STAB2: variants seen among roughly 807,000 people sequenced by gnomAD.
The protein encoded by STAB2 is stabilin-2.
Under a neutral mutation model 338.1 loss-of-function variants are expected in STAB2, and 288 were observed. That is an observed-to-expected ratio of 0.85 (90% CI 0.77 to 0.94). The LOEUF is 0.94. Among genes scored for constraint, STAB2 ranks in the 40% least tolerant of loss-of-function variants. STAB2 has a pLI of 0.00. For missense variants in STAB2, 3,141 were observed against 3,210.1 expected (o/e 0.98, Z 0.52); for synonymous variants, 1,202 against 1,193.3 (o/e 1.01, Z -0.15).
intron 22 of STAB2, among the ~76,000 whole-genome samples, chr12:103,672,132 C>T (rs1478466150): frequency 6.6e-6 from 1 of 152,226 alleles, no homozygotes; most frequent in Admixed American, 6.5e-5. Context: ...CTCTTACTGT[C>T]GCTACTAACT....
At position 103,708,475 on chromosome 12, in the gene STAB2, A is replaced by AC. The variant is rs1566034712; in HGVS notation, c.4230dup (p.Asp1413ArgfsTer5). The AC allele has an allele frequency of 1.2e-6, 2 of 1,614,038 alleles. No individual in the cohort carries two copies. The highest frequency in any genetic ancestry group is 1.7e-5 in the Admixed American group (1 of 60,024). On this transcript the variant is annotated frameshift_variant, in exon 39 of 69. Coordinates refer to ENST00000388887, the MANE Select transcript of STAB2 (RefSeq NM_017564.10). LOFTEE classifies it high-confidence loss of function. ...GTGTCCATGGGAGATGCAACCAAGG[A>AC]CCCTTGGGAGATGGCTCCTGTGACT...
intron 3 of STAB2, among the ~76,000 whole-genome samples, chr12:103,600,431 A>G (rs10861047): frequency 0.32 from 48,699 of 151,878 alleles, 9,915 homozygotes; most frequent in African/African-American, 0.58. Flanking sequence ...TGTTTGTTGA[A>G]TGAGAGAAAG....
intron 3 of STAB2, among the ~76,000 whole-genome samples, chr12:103,600,112 G>A (rs1469512975): frequency 6.6e-6 from 1 of 152,182 alleles, no homozygotes; most frequent in African/African-American, 2.4e-5. Flanking sequence ...GAACCTACAT[G>A]AAAAGTGGTT....
intron 68 of STAB2, among the ~76,000 whole-genome samples, chr12:103,764,718 A>G (rs1483580548): frequency 6.6e-6 from 1 of 152,252 alleles, no homozygotes; most frequent in Non-Finnish European, 1.5e-5. Context: ...CAGATTTAAT[A>G]TAAATGCAAT....
intron 55 of STAB2, 96 bp from the exon 56 acceptor site, chr12:103,742,309 G>A (rs1882647826): frequency 3.9e-6 from 6 of 1,518,992 alleles, no homozygotes; most frequent in Non-Finnish European, 4.5e-6. Flanking sequence ...GTCCCTCTGG[G>A]CTAACAGAAG....
chr12:103,733,273 G>T, intron 51 of STAB2, 91 bp downstream of exon 51: 2 of 1,446,268 alleles, frequency 1.4e-6, no homozygotes, highest in Non-Finnish European at 1.9e-6. Flanking sequence ...GGAACTGTCA[G>T]TGTGTCCCTG....
chr12:103,693,666 C>T (rs1878150452), intron 31 of STAB2, among the ~76,000 whole-genome samples: 1 of 151,946 alleles, frequency 6.6e-6, no homozygotes, highest in Non-Finnish European at 1.5e-5. Flanking sequence ...TCTTCTAATA[C>T]CCAGTATAAC....
chr12:103,612,392 TC>T (rs1269863532), intron 3 of STAB2, among the ~76,000 whole-genome samples: 69 of 152,372 alleles, frequency 4.5e-4, no homozygotes, highest in Admixed American at 9.1e-4. Context: ...TTCTTTTTAT[TC>T]TTTTTTCTCT....
chr12:103,741,578 C>A (rs1882588075), intron 55 of STAB2, among the ~76,000 whole-genome samples: 1 of 152,166 alleles, frequency 6.6e-6, no homozygotes, highest in Non-Finnish European at 1.5e-5. Context: ...CTCAGCCTCT[C>A]AAGTAGCTGG....
intron 3 of STAB2, among the ~76,000 whole-genome samples, chr12:103,619,524 A>G (rs937329533): frequency 1.2e-4 from 19 of 152,130 alleles, no homozygotes; most frequent in Admixed American, 1.1e-3. Flanking sequence ...CTGCCCCACC[A>G]TGAAATATAA....
intron 68 of STAB2, chr12:103,765,914 AAGG>A: frequency 5.5e-6 from 2 of 360,618 alleles, no homozygotes; most frequent in Non-Finnish European, 1.1e-5. Flanking sequence ...TTCAAACCGA[AAGG>A]AGTTTTTATA....
intron 63 of STAB2, among the ~76,000 whole-genome samples, chr12:103,756,247 G>T (rs926994979): frequency 8.5e-5 from 13 of 152,204 alleles, no homozygotes; most frequent in African/African-American, 3.1e-4. Context: ...GTCATATCCA[G>T]CGAAGAGAAA....
intron 3 of STAB2, among the ~76,000 whole-genome samples, chr12:103,599,733 C>T (rs1956927462): frequency 6.6e-6 from 1 of 152,208 alleles, no homozygotes. Flanking sequence ...ATGATGCTAA[C>T]ACACCCACCT....
At chr12:103,654,728 C>A in intron 13 of STAB2, 30 bp downstream of exon 13, 2 of 1,605,966 alleles carry the variant, frequency 1.2e-6, no homozygotes, top group South Asian at 1.1e-5. Flanking sequence ...TCACATCAGG[C>A]CAGGTCCATC....
intron 3 of STAB2, among the ~76,000 whole-genome samples, chr12:103,594,864 G>A (rs900812253): frequency 6.6e-6 from 1 of 152,132 alleles, no homozygotes; most frequent in Non-Finnish European, 1.5e-5. Context: ...TTGTTACAAT[G>A]TCTCAAAGAC....
rs1872977643 is a variant in STAB2 at position 103,642,244 on chromosome 12, C to T, written c.1040+1988C>T. On this transcript the variant is annotated intron_variant, in intron 9 of 68. Coordinates refer to ENST00000388887, the MANE Select transcript of STAB2 (RefSeq NM_017564.10). ...GAGAACAAATAACTTTATGCTTTGC[C>T]TTTTTACTTTTACTTATTAATAGAT... 2.6e-5 allele frequency among the ~76,000 whole-genome samples: 4 copies of T among 152,132 alleles called. No homozygotes were observed. The South Asian group carries it at 8.3e-4, about 31-fold the overall frequency.
chr12:103,704,644 G>C (rs764444379), intron 36 of STAB2, 30 bp downstream of exon 36: 2 of 1,606,780 alleles, frequency 1.2e-6, no homozygotes, highest in Admixed American at 1.7e-5. Flanking sequence ...TGATAAAATA[G>C]TTTCCAGATC....
chr12:103,695,583 T>A lies in STAB2; in HGVS notation c.3409T>A (p.Leu1137Ile). Residue 1137 changes from leucine (L) to isoleucine (I), a missense_variant, in exon 32 of 69, where the codon TTA (leucine) becomes ATA (isoleucine). Transcript: ENST00000388887. Reference sequence around the variant, plus strand: ...CCCACAAAGACGTCTAACTGGCTCCTTACCAAACCTGCTCATGCGGCTGGA... The same window carrying A: ...CCCACAAAGACGTCTAACTGGCTCCATACCAAACCTGCTCATGCGGCTGGA... ...LVPQRRLTGS[L>I]PNLLMRLEQM... 6.2e-7 allele frequency: 1 copy of A among 1,614,212 alleles called. No homozygotes were observed.
intron 6 of STAB2, among the ~76,000 whole-genome samples, chr12:103,633,508 C>A (rs2138672267): frequency 6.6e-6 from 1 of 152,266 alleles, no homozygotes; most frequent in Non-Finnish European, 1.5e-5. Flanking sequence ...CATGGTGAAA[C>A]CCTGTCTCTA....
Sources: allele counts gnomAD v4.1 joint callset (sites outside exome capture counted in the v4.1 genomes callset), GRCh38; gene constraint gnomAD v4.1.1; transcripts MANE v1.5; gene names NCBI Gene and HGNC (gene_info 2026-07-23, HGNC 2026-07-21).